The following GLIS3 variants were observed in gnomAD, a reference collection of about 807,000 sequenced individuals.
GLIS3 encodes the protein zinc finger protein GLIS3.
GLIS3 carries 53 observed loss-of-function variants against 78.6 expected under a neutral mutation model. The observed-to-expected ratio is 0.67, with a 90% confidence interval of 0.54 to 0.85. GLIS3 has a LOEUF of 0.85. GLIS3 is among the 40% of genes least tolerant of loss of function. The pLI, the probability that GLIS3 is intolerant of heterozygous loss-of-function variation, is 0.00. For missense variants in GLIS3, 1,703 were observed against 1,231.1 expected, an observed-to-expected ratio of 1.38 and a Z score of -5.74; for synonymous variants, 684 against 509.9, an observed-to-expected ratio of 1.34 and a Z score of -4.60.
chr9:4,066,708 G>A (rs1367730444), intron 4 of GLIS3, among the ~76,000 whole-genome samples: 1 of 152,220 alleles, frequency 6.6e-6, no homozygotes, highest in Non-Finnish European at 1.5e-5. Flanking sequence ...TTGCCAGCTG[G>A]AGAAATATTA....
intron 7 of GLIS3, among the ~76,000 whole-genome samples, chr9:3,894,057 C>T (rs914788121): frequency 6.6e-6 from 1 of 152,188 alleles, no homozygotes. Context: ...CAAAGGAATG[C>T]TTCACACAGA....
At chr9:4,045,214 C>A (rs1037962097) in intron 4 of GLIS3, among the ~76,000 whole-genome samples, 3 of 152,074 alleles carry the variant, frequency 2.0e-5, no homozygotes, top group Non-Finnish European at 4.4e-5. Flanking sequence ...TATCGTAAGC[C>A]CTATTACTTG....
At chr9:3,886,676 C>A (rs1042937431) in intron 7 of GLIS3, among the ~76,000 whole-genome samples, 5 of 152,192 alleles carry the variant, frequency 3.3e-5, no homozygotes, top group South Asian at 2.1e-4. Flanking sequence ...AGTGAAAATA[C>A]AAGGTCTGGT....
chr9:4,146,038 T>C (rs932239639), intron 2 of GLIS3, among the ~76,000 whole-genome samples: 4 of 152,150 alleles, frequency 2.6e-5, no homozygotes, highest in African/African-American at 7.2e-5. Context: ...ATAAAACCTA[T>C]ATATTATCTA....
At chr9:4,162,821 C>A (rs1005536864) in intron 2 of GLIS3, among the ~76,000 whole-genome samples, 3 of 142,360 alleles carry the variant, frequency 2.1e-5, no homozygotes, top group Non-Finnish European at 3.0e-5. Flanking sequence ...TTCACCACTG[C>A]ACTCCAGCCC....
the GLIS3 span, among the ~76,000 whole-genome samples, chr9:4,465,106 CT>C: frequency 1.3e-5 from 2 of 152,200 alleles, no homozygotes; most frequent in African/African-American, 4.8e-5. Flanking sequence ...CAACATTTCC[CT>C]CTCTCTTCCT....
At chr9:4,225,493 G>A (rs921844456) in intron 2 of GLIS3, among the ~76,000 whole-genome samples, 1 of 152,112 alleles carries the variant, frequency 6.6e-6, no homozygotes, top group Non-Finnish European at 1.5e-5. Context: ...GCAACCTAAC[G>A]AGGAACATAA....
the GLIS3 span, among the ~76,000 whole-genome samples, chr9:4,418,062 C>T: frequency 6.6e-6 from 1 of 152,288 alleles, no homozygotes; most frequent in African/African-American, 2.4e-5. Flanking sequence ...AAACATTCCA[C>T]ACATATCCAT....
At chr9:4,418,977 G>T in the GLIS3 span, among the ~76,000 whole-genome samples, 4 of 152,216 alleles carry the variant, frequency 2.6e-5, no homozygotes, top group Non-Finnish European at 5.9e-5. Context: ...AGAGATGGTG[G>T]TGGAAACCGA....
intron 4 of GLIS3, among the ~76,000 whole-genome samples, chr9:4,087,698 G>A (rs1032577517): frequency 4.6e-5 from 7 of 152,040 alleles, no homozygotes; most frequent in South Asian, 2.1e-4. Flanking sequence ...AATTCATATC[G>A]GTGAAAAAAT....
chr9:4,184,380 G>A (rs1378828949), intron 2 of GLIS3, among the ~76,000 whole-genome samples: 2 of 152,180 alleles, frequency 1.3e-5, no homozygotes, highest in African/African-American at 4.8e-5. Flanking sequence ...ACCAAATAAA[G>A]AATATAACAA....
the GLIS3 span, among the ~76,000 whole-genome samples, chr9:4,357,812 T>G: frequency 6.6e-6 from 1 of 152,114 alleles, no homozygotes; most frequent in African/African-American, 2.4e-5. Context: ...GGCCACCACA[T>G]TGCATAGTGT....
At chr9:4,295,050 G>A (rs1816361326) in intron 1 of GLIS3, among the ~76,000 whole-genome samples, 1 of 152,286 alleles carries the variant, frequency 6.6e-6, no homozygotes, top group East Asian at 1.9e-4. Context: ...AGGAAAAAGT[G>A]GCACAGAAAT....
At chr9:4,489,847 G>A in the GLIS3 span, among the ~76,000 whole-genome samples, 9 of 152,344 alleles carry the variant, frequency 5.9e-5, no homozygotes, top group Admixed American at 2.6e-4. Flanking sequence ...CCCAAGCCCA[G>A]TGTCCACAGA....
At chr9:4,407,276 A>G in the GLIS3 span, among the ~76,000 whole-genome samples, 1 of 152,196 alleles carries the variant, frequency 6.6e-6, no homozygotes, top group Non-Finnish European at 1.5e-5. Context: ...ATCTCTCACC[A>G]TATACAAAAA....
At chr9:4,121,066 C>T (rs539736376) in intron 3 of GLIS3, among the ~76,000 whole-genome samples, 3 of 152,194 alleles carry the variant, frequency 2.0e-5, no homozygotes, top group Non-Finnish European at 2.9e-5. Flanking sequence ...AAAGCAAATT[C>T]TATATTCTAT....
intron 2 of GLIS3, among the ~76,000 whole-genome samples, chr9:4,163,417 A>G (rs1262295805): frequency 6.6e-6 from 1 of 152,282 alleles, no homozygotes; most frequent in African/African-American, 2.4e-5. Flanking sequence ...TGAACAAGAA[A>G]TGATAAGCAA....
intron 2 of GLIS3, among the ~76,000 whole-genome samples, chr9:4,261,184 C>T (rs754464849): frequency 2.6e-5 from 4 of 152,172 alleles, no homozygotes; most frequent in Non-Finnish European, 5.9e-5. Context: ...GATCATCTGA[C>T]TTCTATCCAT....
chr9:4,448,630 C>G, the GLIS3 span, among the ~76,000 whole-genome samples: 45 of 152,296 alleles, frequency 3.0e-4, no homozygotes, highest in Non-Finnish European at 5.3e-4. Flanking sequence ...CAGGTGTGAC[C>G]ACATAACTTG....
Sources: gnomAD v4.1 joint callset for allele counts (sites outside exome capture counted in the v4.1 genomes callset) on GRCh38, gnomAD v4.1.1 for gene constraint, MANE v1.5 for transcripts, NCBI Gene and HGNC (gene_info 2026-07-23, HGNC 2026-07-21) for gene names.